The following BMP6 variants were observed in gnomAD, a reference collection of about 807,000 sequenced individuals.
BMP6 encodes the protein VG-1-R.
In BMP6, 17 loss-of-function variants were observed where a neutral mutation model predicts 54.1. That is an observed-to-expected ratio of 0.31 (90% CI 0.22 to 0.47). The LOEUF is 0.47. BMP6 is among the 20% of genes least tolerant of loss of function. The pLI, the probability that BMP6 is intolerant of heterozygous loss-of-function variation, is 1.00. For synonymous variants in BMP6, 328 were observed against 291.2 expected, an observed-to-expected ratio of 1.13 and a Z score of -1.28; for missense variants, 720 against 690.4, an observed-to-expected ratio of 1.04 and a Z score of -0.48.
At chr6:7,783,227 G>A (rs9378506) in intron 1 of BMP6, among the ~76,000 whole-genome samples, 51,390 of 152,046 alleles carry the variant, frequency 0.34, 9,422 homozygotes, top group East Asian at 0.53. Context: ...AGGAACCAGT[G>A]GAGACAGAGG....
rs1278048964 is a variant in BMP6, at chr6:7,826,948, A to G, written c.665-18192A>G. On this transcript the variant is annotated intron_variant, in intron 1 of 6. Transcript: ENST00000283147. ...CCTATCTCTTGTCTTCTTTTGCACTATGAGCCATGATGTTTTAGAATTTCC... is the reference window on the plus strand; with the variant it reads ...CCTATCTCTTGTCTTCTTTTGCACTGTGAGCCATGATGTTTTAGAATTTCC... Among the ~76,000 whole-genome samples the G allele has an allele frequency of 2.0e-5, 3 of 152,286 alleles. No individual in the cohort carries two copies. The East Asian group carries it at 5.8e-4, about 29-fold the overall frequency.
At chr6:7,781,808 GC>G (rs1026972559) in intron 1 of BMP6, among the ~76,000 whole-genome samples, 1 of 151,538 alleles carries the variant, frequency 6.6e-6, no homozygotes, top group Non-Finnish European at 1.5e-5. Flanking sequence ...TTGGTCAGAG[GC>G]CCCATGTCAG....
intron 1 of BMP6, among the ~76,000 whole-genome samples, chr6:7,733,449 T>C (rs1029071471): frequency 6.6e-6 from 1 of 152,158 alleles, no homozygotes; most frequent in Non-Finnish European, 1.5e-5. Flanking sequence ...AAGATAGGAA[T>C]AGACAATTTA....
chr6:7,816,606 G>T (rs554360690), intron 1 of BMP6, among the ~76,000 whole-genome samples: 1 of 152,140 alleles, frequency 6.6e-6, no homozygotes, highest in Non-Finnish European at 1.5e-5. Context: ...CTCAGTTAAA[G>T]CCCCATCCAT....
At chr6:7,859,315 G>A (rs1485224913) in intron 2 of BMP6, among the ~76,000 whole-genome samples, 4 of 61,996 alleles carry the variant, frequency 6.5e-5, no homozygotes, top group Non-Finnish European at 1.6e-4. Context: ...CTACCCTCAC[G>A]CTTTGAACTG....
intron 4 of BMP6, among the ~76,000 whole-genome samples, chr6:7,869,686 G>A (rs1329733591): frequency 6.6e-6 from 1 of 152,166 alleles, no homozygotes; most frequent in Non-Finnish European, 1.5e-5. Context: ...TAGATGGAAT[G>A]TCTCCTCAGT....
intron 4 of BMP6, among the ~76,000 whole-genome samples, chr6:7,878,187 A>C (rs1188572517): frequency 6.6e-6 from 1 of 152,036 alleles, no homozygotes; most frequent in Non-Finnish European, 1.5e-5. Flanking sequence ...TGCCCGTAGC[A>C]TCCATGTTCT....
intron 4 of BMP6, among the ~76,000 whole-genome samples, chr6:7,872,371 T>C (rs1027331961): frequency 1.3e-5 from 2 of 152,088 alleles, no homozygotes; most frequent in Admixed American, 1.3e-4. Context: ...GACACAAGTA[T>C]TCCAAGGAGC....
intron 1 of BMP6, among the ~76,000 whole-genome samples, chr6:7,807,913 CTTTTTTT>C (rs755894743): frequency 0.087 from 7,158 of 81,902 alleles, 184 homozygotes; most frequent in Non-Finnish European, 0.11. Context: ...GAAGTCTTTA[CTTTTTTT>C]TTTTTTTTTT....
chr6:7,816,704 G>A (rs1358445878), intron 1 of BMP6, among the ~76,000 whole-genome samples: 3 of 152,182 alleles, frequency 2.0e-5, no homozygotes, highest in East Asian at 3.9e-4. Flanking sequence ...CTTGATTAAA[G>A]TGCACAGCAG....
rs944216477 is a variant in BMP6 at position 7,783,942 on chromosome 6, C to A, written c.664+56323C>A. ...GCCACACATGAGCCCTCAGGATGAG[C>A]CCTACAGAGTTTCATCCTTGTAGAT... is the stretch of plus-strand genomic sequence containing the variant. On this transcript the variant is annotated intron_variant, in intron 1 of 6. Transcript: ENST00000283147. Among the ~76,000 whole-genome samples the A allele has an allele frequency of 1.6e-4, 24 of 152,342 alleles. No individual in the cohort carries two copies. In the South Asian group the frequency reaches 3.9e-3, roughly 25 times the overall value.
chr6:7,807,178 A>G (rs1758358608), intron 1 of BMP6, among the ~76,000 whole-genome samples: 1 of 152,102 alleles, frequency 6.6e-6, no homozygotes, highest in South Asian at 2.1e-4. Flanking sequence ...GGAATCTTAG[A>G]CCTCCTGTTC....
intron 1 of BMP6, among the ~76,000 whole-genome samples, chr6:7,821,027 C>T (rs753761777): frequency 6.6e-6 from 1 of 152,246 alleles, no homozygotes; most frequent in Non-Finnish European, 1.5e-5. Context: ...GGCCCAATCC[C>T]TAACAGGGCA....
intron 1 of BMP6, among the ~76,000 whole-genome samples, chr6:7,747,573 T>G (rs1757365951): frequency 6.6e-6 from 1 of 152,158 alleles, no homozygotes; most frequent in Non-Finnish European, 1.5e-5. Context: ...CAAGGAAACA[T>G]ATCCTCCCTC....
intron 1 of BMP6, among the ~76,000 whole-genome samples, chr6:7,807,528 C>CCG (rs1758365538): frequency 6.6e-6 from 1 of 152,160 alleles, no homozygotes; most frequent in Non-Finnish European, 1.5e-5. Context: ...ATCCGCCCAC[C>CCG]TTGGCCTCCC....
chr6:7,739,571 A>G (rs1310795610), intron 1 of BMP6, among the ~76,000 whole-genome samples: 2 of 152,242 alleles, frequency 1.3e-5, no homozygotes, highest in East Asian at 1.9e-4. Context: ...ATAGTAAGAT[A>G]GGGGAGAATT....
intron 1 of BMP6, among the ~76,000 whole-genome samples, chr6:7,839,707 C>T (rs1758935367): frequency 6.6e-6 from 1 of 152,178 alleles, no homozygotes; most frequent in Non-Finnish European, 1.5e-5. Context: ...CCCATTCATC[C>T]GTCAGTGGAC....
intron 1 of BMP6, among the ~76,000 whole-genome samples, chr6:7,784,412 G>T (rs1581246454): frequency 6.8e-6 from 1 of 146,578 alleles, no homozygotes; most frequent in East Asian, 1.9e-4. Context: ...TCTGTGTGTA[G>T]GCGTCTGAGT....
chr6:7,856,570 A>G (rs2113270019), intron 2 of BMP6, among the ~76,000 whole-genome samples: 1 of 147,724 alleles, frequency 6.8e-6, no homozygotes, highest in South Asian at 2.2e-4. Context: ...TACTTTGAAT[A>G]TATAAATGCC....
Sources: gnomAD v4.1 joint callset for allele counts (sites outside exome capture counted in the v4.1 genomes callset) on GRCh38, gnomAD v4.1.1 for gene constraint, MANE v1.5 for transcripts, NCBI Gene and HGNC (gene_info 2026-07-23, HGNC 2026-07-21) for gene names.